Variants in GBP3 observed in about 807,000 individuals in gnomAD.
GBP3 encodes the protein guanylate-binding protein 3.
In GBP3, 55 loss-of-function variants were observed where a neutral mutation model predicts 62.4. The ratio of observed to expected loss-of-function variants is 0.88; its 90% CI spans 0.71 to 1.10. The LOEUF (loss-of-function observed/expected upper bound fraction) is 1.10, where lower values mean the gene tolerates loss of function less well. Ranked by LOEUF, GBP3 falls within the 50% of genes least tolerant of loss-of-function variation. The pLI, the probability that GBP3 is intolerant of heterozygous loss-of-function variation, is 0.00. For synonymous variants in GBP3, 208 were observed against 259.2 expected, an observed-to-expected ratio of 0.80 and a Z score of 1.90; for missense variants, 605 against 690.6, an observed-to-expected ratio of 0.88 and a Z score of 1.39.
chr1:89,021,268 A>G (rs1016785115), intron 1 of GBP3, among the ~76,000 whole-genome samples: 2 of 152,100 alleles, frequency 1.3e-5, no homozygotes, highest in Non-Finnish European at 2.9e-5. Context: ...AAAACTTCTC[A>G]CAGTGCCATT....
intron 8 of GBP3, among the ~76,000 whole-genome samples, chr1:89,010,045 A>G (rs919917958): frequency 1.3e-5 from 2 of 152,168 alleles, no homozygotes; most frequent in African/African-American, 4.8e-5. Context: ...AATGATCATG[A>G]CAACAACGTG....
chr1:89,022,366 G>A (rs1282485718), intron 1 of GBP3, among the ~76,000 whole-genome samples: 1 of 152,170 alleles, frequency 6.6e-6, no homozygotes, highest in Non-Finnish European at 1.5e-5. Context: ...CATGTCCCTA[G>A]TCAACACAGA....
At position 89,020,015 on chromosome 1, in the gene GBP3, C is replaced by T. The variant is rs557804834; in HGVS notation, c.190+517G>A. The T allele has an allele frequency of 2.4e-4, 43 of 176,978 alleles. 1 individual carries two copies. Among genetic ancestry groups the T allele is most frequent in the Middle Eastern group, 2.7e-3 (1 of 366 alleles). The allele number at this position is 176,978 out of a possible 1,614,324, so 11.0% of individuals were successfully genotyped here. A position where few individuals can be genotyped will look rare whatever the true frequency, so the allele number is the denominator to read the frequency against. ...CTGTTACTATGTGAACATGGGCAGG[C>T]GATCTCTTGAGCCCAGGAGCTTGAG... On this transcript the variant is annotated intron_variant, in intron 2 of 10. Coordinates refer to ENST00000370481, the MANE Select transcript of GBP3 (RefSeq NM_018284.3).
intron 2 of GBP3, among the ~76,000 whole-genome samples, chr1:89,017,790 T>G (rs1404057494): frequency 6.6e-6 from 1 of 151,926 alleles, no homozygotes; most frequent in African/African-American, 2.4e-5. Context: ...CAAAAAAAAT[T>G]GAAAAGGGCT....
intron 2 of GBP3, among the ~76,000 whole-genome samples, chr1:89,018,078 C>CA (rs796417229): frequency 0.096 from 11,390 of 119,120 alleles, 997 homozygotes; most frequent in African/African-American, 0.26. Flanking sequence ...GACTGTGTCT[C>CA]AAAAAAAAAA....
At chr1:89,018,539 C>T (rs1465646380) in intron 2 of GBP3, among the ~76,000 whole-genome samples, 1 of 152,216 alleles carries the variant, frequency 6.6e-6, no homozygotes, top group Admixed American at 6.5e-5. Flanking sequence ...GCTTTTGCTG[C>T]AACTGTTACT....
intron 8 of GBP3, among the ~76,000 whole-genome samples, chr1:89,010,310 C>T (rs1400685736): frequency 1.5e-5 from 2 of 137,178 alleles, no homozygotes; most frequent in South Asian, 2.4e-4. Context: ...TTAGTAGAGA[C>T]GGGGTTTCAC....
rs1212436122 is a variant in GBP3 at position 89,011,978 on chromosome 1, A to G, written c.918T>C (p.Asp306=). ...LTYINAISRG[D]LPCMENAVLA... is the part of the protein sequence containing the mutation. ...GGACTGCGTTCTCCATGCAGGGCAG[A>G]TCCCCTCTGCTGATAGCATTGATAT... Residue 306 remains aspartate, a synonymous_variant, in exon 7 of 11, where the codon GAT becomes GAC. Transcript: ENST00000370481. The G allele has an allele frequency of 6.8e-7, 1 of 1,462,402 alleles. No individual in the cohort carries two copies. Among genetic ancestry groups the G allele is most frequent in the African/African-American group, 1.4e-5 (1 of 73,934 alleles). 90.6% of individuals were successfully genotyped at this position (1,462,402 alleles called of 1,614,324 possible). A position where few individuals can be genotyped will look rare whatever the true frequency, so the allele number is the denominator to read the frequency against.
Position 89,015,383 on chromosome 1 carries a change from G to GT in GBP3, c.221dup (p.His74GlnfsTer24). ...CACACCACATCCAGATTCCTTTGGT[G>GT]TGAGATTTCACTGTGGAGCCCAGAG... On this transcript the variant is annotated frameshift_variant, in exon 3 of 11. Coordinates refer to ENST00000370481, the MANE Select transcript of GBP3 (RefSeq NM_018284.3). LOFTEE classifies it high-confidence loss of function. 6.2e-7 allele frequency: 1 copy of GT among 1,613,624 alleles called. No individual in the cohort carries two copies. Among genetic ancestry groups the GT allele is most frequent in the South Asian group, 1.1e-5 (1 of 91,004 alleles).
chr1:89,018,791 C>G (rs541447564), intron 2 of GBP3, among the ~76,000 whole-genome samples: 1 of 152,306 alleles, frequency 6.6e-6, no homozygotes, highest in Admixed American at 6.5e-5. Flanking sequence ...ATAATAAATG[C>G]TGGCATATCC....
At position 89,014,264 on chromosome 1, in the gene GBP3, C is replaced by T. The variant is rs76475726; in HGVS notation, c.444G>A (p.Leu148=). The T allele has an allele frequency of 3.1e-3, 5,068 of 1,614,188 alleles. 156 individuals carry two copies. In the East Asian group the frequency reaches 0.079, roughly 25 times the overall value. The change falls in exon 5 of 11, where the codon CTG becomes CTA. Residue 148 remains leucine (L), a synonymous_variant. Coordinates refer to ENST00000370481, the MANE Select transcript of GBP3 (RefSeq NM_018284.3). ...AMDQLYYVTE[L]THRIRSKSSP... ...AGGATTTTGATCGGATTCGATGTGT[C>T]AGCTCTGTCACATAGCTGAGTAGCT...
intron 2 of GBP3, among the ~76,000 whole-genome samples, chr1:89,019,685 T>G (rs943923325): frequency 8.5e-5 from 13 of 152,236 alleles, no homozygotes; most frequent in African/African-American, 3.1e-4. Flanking sequence ...TGACTCCACT[T>G]ATATAACATT....
chr1:89,011,705 C>T lies in GBP3; in HGVS notation c.1149+42G>A. On this transcript the variant is annotated intron_variant, in intron 7 of 10. Transcript: ENST00000370481. ...ATTTCATTTCTTAGTAGTACTTTGCCTTCCAAAATCCAAATCCATGTAAAT... is the reference window on the plus strand; with the variant it reads ...ATTTCATTTCTTAGTAGTACTTTGCTTTCCAAAATCCAAATCCATGTAAAT... 11 of 1,456,668 alleles carry T rather than the reference C, an allele frequency of 7.6e-6. 4 individuals carry two copies. The highest frequency in any genetic ancestry group is 9.5e-6 in the Non-Finnish European group (10 of 1,051,558). 90.2% of individuals were successfully genotyped at this position (1,456,668 alleles called of 1,614,324 possible). A position where few individuals can be genotyped will look rare whatever the true frequency, so the allele number is the denominator to read the frequency against.
Position 89,010,456 on chromosome 1 carries a change from G to C in GBP3, c.1362+448C>G. 1.5e-5 allele frequency among the ~76,000 whole-genome samples: 2 copies of C among 137,324 alleles called. 1 individual carries two copies. The highest frequency in any genetic ancestry group is 4.8e-4 in the South Asian group (2 of 4,146). The allele number at this position is 137,324 out of a possible 152,430, so 90.1% of individuals were successfully genotyped here. A position where few individuals can be genotyped will look rare whatever the true frequency, so the allele number is the denominator to read the frequency against. ...TATTTGAAAGACAGGGTCTGGCTCTGTTGCCCAGGCCAGAGTGCTGAGGTG... is the reference window on the plus strand; with the variant it reads ...TATTTGAAAGACAGGGTCTGGCTCTCTTGCCCAGGCCAGAGTGCTGAGGTG... On this transcript the variant is annotated intron_variant, in intron 8 of 10. Coordinates refer to ENST00000370481, the MANE Select transcript of GBP3 (RefSeq NM_018284.3).
chr1:89,019,856 A>G (rs1250392682), intron 2 of GBP3, among the ~76,000 whole-genome samples: 11 of 152,228 alleles, frequency 7.2e-5, no homozygotes, highest in Non-Finnish European at 1.5e-4. Context: ...GAATTTAATT[A>G]ATACCACAGA....
intron 1 of GBP3, among the ~76,000 whole-genome samples, chr1:89,021,669 A>G (rs957464325): frequency 6.6e-6 from 1 of 152,110 alleles, no homozygotes; most frequent in Non-Finnish European, 1.5e-5. Context: ...ATAAATTTCC[A>G]GCAATACAGC....
At position 89,020,520 on chromosome 1, in the gene GBP3, C is replaced by T. The variant is rs772318133; in HGVS notation, c.190+12G>A. ...AGAAGGGACTTGGCAGAGCTTTGCTCATGCCACTCACCCTTATTCTTCCCA... is the reference window on the plus strand; with the variant it reads ...AGAAGGGACTTGGCAGAGCTTTGCTTATGCCACTCACCCTTATTCTTCCCA... On this transcript the variant is annotated intron_variant, in intron 2 of 10. Transcript: ENST00000370481. The T allele has an allele frequency of 9.9e-5, 160 of 1,613,880 alleles. 1 individual carries two copies. In the Middle Eastern group the frequency reaches 1.5e-3, roughly 15 times the overall value.
At position 89,009,227 on chromosome 1, in the gene GBP3, T is replaced by C. The variant is rs576596322; in HGVS notation, c.1466-87A>G. 1.3e-4 allele frequency: 183 copies of C among 1,421,340 alleles called. 2 individuals carry two copies. The South Asian group carries it at 2.1e-3, about 17-fold the overall frequency. The allele number at this position is 1,421,340 out of a possible 1,614,324, so 88.0% of individuals were successfully genotyped here. On this transcript the variant is annotated intron_variant, in intron 9 of 10. Transcript: ENST00000370481. Reference sequence around the variant, plus strand: ...CTTACCCTCCATTGTTGCTGCTGACTGCATATGCCCTACTCAGAGATGACC... The same window carrying C: ...CTTACCCTCCATTGTTGCTGCTGACCGCATATGCCCTACTCAGAGATGACC...
chr1:89,021,379 C>T (rs926983179), intron 1 of GBP3, among the ~76,000 whole-genome samples: 1 of 152,114 alleles, frequency 6.6e-6, no homozygotes, highest in South Asian at 2.1e-4. Context: ...TTTGAAGGGG[C>T]ACGTGCAAGA....
Sources: allele counts gnomAD v4.1 joint callset (sites outside exome capture counted in the v4.1 genomes callset), GRCh38; gene constraint gnomAD v4.1.1; transcripts MANE v1.5; gene names NCBI Gene and HGNC (gene_info 2026-07-23, HGNC 2026-07-21).